CFAP54: variants seen among roughly 807,000 people sequenced by gnomAD.
The protein encoded by CFAP54 is cilia- and flagella-associated protein 54.
CFAP54 carries 290 observed loss-of-function variants against 370.4 expected under a neutral mutation model. That is an observed-to-expected ratio of 0.78 (90% CI 0.71 to 0.86). CFAP54 has a LOEUF of 0.86. CFAP54 is among the 40% of genes least tolerant of loss of function. CFAP54 has a pLI of 0.00. For missense variants in CFAP54, 3,399 were observed against 3,528.7 expected (o/e 0.96, Z 0.93); for synonymous variants, 1,206 against 1,236.5 (o/e 0.98, Z 0.52).
At chr12:96,496,048 C>T (rs1272598412) in intron 1 of CFAP54, among the ~76,000 whole-genome samples, 3 of 152,138 alleles carry the variant, frequency 2.0e-5, no homozygotes, top group East Asian at 1.9e-4. Flanking sequence ...GCAAACAAAA[C>T]ACCTCTCCCC....
At position 96,659,082 on chromosome 12, in the gene CFAP54, C is replaced by T. The variant is rs1040825929; in HGVS notation, c.5460+736C>T. ...TTGCCCAGGCTGGAGTGCAATGGCA[C>T]GGTCTCGGCTCACTGCAGCCTCCGC... On this transcript the variant is annotated intron_variant, in intron 38 of 67. Transcript: ENST00000524981. Among the ~76,000 whole-genome samples, 66 of 152,140 alleles carry T rather than the reference C, an allele frequency of 4.3e-4. 1 individual carries two copies. Among genetic ancestry groups the T allele is most frequent in the African/African-American group, 9.6e-5 (4 of 41,510 alleles).
At chr12:96,839,091 A>G (rs1265025358) in intron 66 of CFAP54, among the ~76,000 whole-genome samples, 1 of 152,152 alleles carries the variant, frequency 6.6e-6, no homozygotes, top group Non-Finnish European at 1.5e-5. Flanking sequence ...GTGAAGCAGT[A>G]TGTGTAGTGG....
intron 23 of CFAP54, among the ~76,000 whole-genome samples, chr12:96,589,814 C>G (rs1165882286): frequency 6.6e-6 from 1 of 151,968 alleles, no homozygotes; most frequent in Non-Finnish European, 1.5e-5. Context: ...TGGCATGATC[C>G]TGGCTCACTG....
At chr12:96,681,407 G>C (rs1592706011) in intron 40 of CFAP54, among the ~76,000 whole-genome samples, 1 of 140,692 alleles carries the variant, frequency 7.1e-6, no homozygotes, top group Non-Finnish European at 1.5e-5. Flanking sequence ...AGAACTACCT[G>C]TGTGTTGCTT....
intron 44 of CFAP54, among the ~76,000 whole-genome samples, chr12:96,691,511 T>C (rs1411471983): frequency 6.6e-6 from 1 of 152,176 alleles, no homozygotes; most frequent in African/African-American, 2.4e-5. Context: ...ACAAAAGCAG[T>C]CTATTTGACT....
At chr12:96,839,576 A>G (rs563226537) in intron 66 of CFAP54, among the ~76,000 whole-genome samples, 206 of 152,378 alleles carry the variant, frequency 1.4e-3, no homozygotes, top group Non-Finnish European at 2.4e-3. Flanking sequence ...TATGTAACAA[A>G]GCACCCCAAA....
chr12:96,539,416 G>A (rs532594439), intron 13 of CFAP54, among the ~76,000 whole-genome samples: 18 of 152,090 alleles, frequency 1.2e-4, no homozygotes, highest in African/African-American at 3.9e-4. Context: ...GCTGACACCT[G>A]TAATCCCAGA....
Position 96,664,725 on chromosome 12 carries a change from C to CTATATATATATATATCTA in CFAP54, c.5563+806_5563+807insATCTATATATATATATAT, listed in dbSNP as rs199537312. Reference sequence around the variant, plus strand: ...TATATATATATATATCTATATATATCTATATATATATATCTATATATATAT... The same window carrying CTATATATATATATATCTA: ...TATATATATATATATCTATATATATCTATATATATATATATCTATATATATATATATCTATATATATAT... On this transcript the variant is annotated intron_variant, in intron 39 of 67. Transcript: ENST00000524981. Among the ~76,000 whole-genome samples the CTATATATATATATATCTA allele has an allele frequency of 3.9e-4, 28 of 72,578 alleles. 3 individuals are homozygous for CTATATATATATATATCTA. The South Asian group carries it at 0.012, about 31-fold the overall frequency. The allele number at this position is 72,578 out of a possible 152,430, so 47.6% of individuals were successfully genotyped here.
chr12:96,530,097 C>T (rs1227341858), intron 9 of CFAP54, among the ~76,000 whole-genome samples: 1 of 152,146 alleles, frequency 6.6e-6, no homozygotes, highest in Non-Finnish European at 1.5e-5. Flanking sequence ...CTTTAGTTGG[C>T]TGCAGTATCC....
Position 96,685,020 on chromosome 12 carries a change from C to G in CFAP54, c.5805-9C>G. ...AAACTTACTGCTTGATGCTTTGTCT[C>G]TGTTTTAGGGCTGCTTTTAAGTGTT... On this transcript the variant is annotated splice_polypyrimidine_tract_variant and intron_variant, in intron 41 of 67. Coordinates refer to ENST00000524981, the MANE Select transcript of CFAP54 (RefSeq NM_001306084.2). The G allele has an allele frequency of 6.2e-7, 1 of 1,612,944 alleles. No individual in the cohort carries two copies. Among genetic ancestry groups the G allele is most frequent in the Non-Finnish European group, 8.5e-7 (1 of 1,179,316 alleles).
At chr12:96,640,735 C>G (rs900926232) in intron 32 of CFAP54, among the ~76,000 whole-genome samples, 1 of 152,150 alleles carries the variant, frequency 6.6e-6, no homozygotes, top group African/African-American at 2.4e-5. Context: ...GAGATATAGA[C>G]TAATGGAACA....
At chr12:96,736,170 G>A (rs546278071) in intron 50 of CFAP54, among the ~76,000 whole-genome samples, 6 of 152,220 alleles carry the variant, frequency 3.9e-5, no homozygotes, top group Admixed American at 3.9e-4. Context: ...GGGCCTGAGG[G>A]TTTACTGAGA....
rs534801678 is a variant in CFAP54, at chr12:96,580,588, C to T, written c.2797-9C>T. On this transcript the variant is annotated splice_polypyrimidine_tract_variant and intron_variant, in intron 20 of 67. Transcript: ENST00000524981. ...GCCTTTTAAACAGGCTCATTTTTCT[C>T]GTCGGCAGGTCTCCTGGTACTGCAT... 2.7e-5 allele frequency: 40 copies of T among 1,472,544 alleles called. No homozygotes were observed. Among genetic ancestry groups the T allele is most frequent in the South Asian group, 2.5e-4 (18 of 72,368 alleles). The allele number at this position is 1,472,544 out of a possible 1,614,324, so 91.2% of individuals were successfully genotyped here. A position where few individuals can be genotyped will look rare whatever the true frequency, so the allele number is the denominator to read the frequency against.
intron 43 of CFAP54, 95 bp downstream of exon 43, chr12:96,689,077 GC>G: frequency 1.5e-6 from 1 of 652,066 alleles, no homozygotes; most frequent in Middle Eastern, 2.7e-4. Flanking sequence ...CTCACAGGTA[GC>G]AAAATAACAT....
intron 14 of CFAP54, among the ~76,000 whole-genome samples, chr12:96,543,282 C>A (rs1174823925): frequency 2.6e-5 from 4 of 152,124 alleles, no homozygotes; most frequent in African/African-American, 4.8e-5. Context: ...CAGGGAAGCA[C>A]AGTGGAGAAG....
chr12:96,506,294 A>AC (rs1955099476), intron 3 of CFAP54, among the ~76,000 whole-genome samples: 1 of 150,658 alleles, frequency 6.6e-6, no homozygotes, highest in Admixed American at 6.6e-5. Flanking sequence ...AGCCGAGGTC[A>AC]GCCACTGCAC....
At chr12:96,848,208 T>C (rs1245726982) in intron 66 of CFAP54, among the ~76,000 whole-genome samples, 2 of 151,946 alleles carry the variant, frequency 1.3e-5, no homozygotes, top group African/African-American at 2.4e-5. Context: ...TCCCGAGTAG[T>C]TGGCATTACA....
intron 43 of CFAP54, 39 bp from the exon 44 acceptor site, chr12:96,691,089 A>G: frequency 6.4e-7 from 1 of 1,572,906 alleles, no homozygotes; most frequent in Non-Finnish European, 8.7e-7. Flanking sequence ...TGAAAATGCT[A>G]TCTATAGCTC....
chr12:96,782,219 T>C (rs1958587083), intron 60 of CFAP54, among the ~76,000 whole-genome samples: 1 of 152,130 alleles, frequency 6.6e-6, no homozygotes, highest in Admixed American at 6.5e-5. Flanking sequence ...GCCTACTGTA[T>C]TTATAGTAAA....
Sources: allele counts gnomAD v4.1 joint callset (sites outside exome capture counted in the v4.1 genomes callset), GRCh38; gene constraint gnomAD v4.1.1; transcripts MANE v1.5; gene names NCBI Gene and HGNC (gene_info 2026-07-23, HGNC 2026-07-21).